PRMT3: variants seen among roughly 807,000 people sequenced by gnomAD.
PRMT3 encodes the protein protein arginine methyltransferase 3.
Under a neutral mutation model 71.9 loss-of-function variants are expected in PRMT3, and 62 were observed. That is an observed-to-expected ratio of 0.86 (90% CI 0.70 to 1.07). PRMT3 has a LOEUF of 1.07. Ranked by LOEUF, PRMT3 falls within the 50% of genes least tolerant of loss-of-function variation. The probability of loss-of-function intolerance (pLI) is 0.00; values close to 1 mark genes in which losing one functional copy is unlikely to be tolerated. For synonymous variants in PRMT3, 213 were observed against 220.4 expected (o/e 0.97, Z 0.30); for missense variants, 663 against 643.0 (o/e 1.03, Z -0.34).
At chr11:20,480,087 G>A (rs1193066724) in intron 13 of PRMT3, among the ~76,000 whole-genome samples, 1 of 152,176 alleles carries the variant, frequency 6.6e-6, no homozygotes, top group Non-Finnish European at 1.5e-5. Context: ...ACATTTGGAA[G>A]GATCGCTTGA....
At chr11:20,407,731 G>A (rs57769295) in intron 8 of PRMT3, 180 bp from the exon 9 acceptor site, 7,333 of 485,086 alleles carry the variant, frequency 0.015, 398 homozygotes, top group African/African-American at 0.12. Flanking sequence ...ACTCCTGCCT[G>A]TAATCCCAGC....
At chr11:20,396,295 T>C (rs1228286046) in intron 6 of PRMT3, among the ~76,000 whole-genome samples, 1 of 152,198 alleles carries the variant, frequency 6.6e-6, no homozygotes, top group Non-Finnish European at 1.5e-5. Flanking sequence ...GAAGGATTAA[T>C]CTTTTTGAGG....
chr11:20,392,627 T>G (rs1448465644), intron 4 of PRMT3, among the ~76,000 whole-genome samples: 5 of 151,366 alleles, frequency 3.3e-5, no homozygotes, highest in Non-Finnish European at 7.4e-5. Context: ...ACTTTGTTTT[T>G]TTTTTTTTTT....
At position 20,416,459 on chromosome 11, in the gene PRMT3, A is replaced by G. The variant is rs1849307070; in HGVS notation, c.893+8427A>G. Among the ~76,000 whole-genome samples, 2 of 151,932 alleles carry G rather than the reference A, an allele frequency of 1.3e-5. 1 individual carries two copies. Among genetic ancestry groups the G allele is most frequent in the Admixed American group, 1.3e-4 (2 of 15,246 alleles). On this transcript the variant is annotated intron_variant, in intron 9 of 15. Coordinates refer to ENST00000331079, the MANE Select transcript of PRMT3 (RefSeq NM_005788.4). ...TGTGGCAGGAATTTTTCTTTTTTTCATTCTTTAATGTGTCCCAACTACCAG... is the reference window on the plus strand; with the variant it reads ...TGTGGCAGGAATTTTTCTTTTTTTCGTTCTTTAATGTGTCCCAACTACCAG...
chr11:20,499,460 A>G (rs1851407034), intron 15 of PRMT3, among the ~76,000 whole-genome samples: 1 of 151,894 alleles, frequency 6.6e-6, no homozygotes, highest in Non-Finnish European at 1.5e-5. Flanking sequence ...GTCTCTAAAG[A>G]AAAAAAATTT....
chr11:20,490,540 GC>G (rs1851182436), intron 13 of PRMT3, among the ~76,000 whole-genome samples: 1 of 150,038 alleles, frequency 6.7e-6, no homozygotes, highest in Admixed American at 6.6e-5. Context: ...GCTTTGGGAG[GC>G]CCCCCAAAAA....
chr11:20,433,106 T>A (rs1849688793), intron 10 of PRMT3, among the ~76,000 whole-genome samples: 1 of 152,098 alleles, frequency 6.6e-6, no homozygotes, highest in Non-Finnish European at 1.5e-5. Flanking sequence ...ATTTAGGTAA[T>A]AACTTGTGCC....
At chr11:20,432,097 T>C (rs1849666639) in intron 10 of PRMT3, among the ~76,000 whole-genome samples, 1 of 152,120 alleles carries the variant, frequency 6.6e-6, no homozygotes, top group Non-Finnish European at 1.5e-5. Flanking sequence ...TTGTCTGTGC[T>C]CTTAACCACT....
chr11:20,468,860 T>TC (rs35891075), intron 13 of PRMT3, among the ~76,000 whole-genome samples: 2,042 of 152,308 alleles, frequency 0.013, 43 homozygotes, highest in African/African-American at 0.047. Flanking sequence ...AAAAACATTA[T>TC]CTTCTGCAGT....
At chr11:20,404,535 A>G (rs759623918) in intron 8 of PRMT3, among the ~76,000 whole-genome samples, 22 of 152,066 alleles carry the variant, frequency 1.4e-4, no homozygotes, top group Non-Finnish European at 2.5e-4. Context: ...CCGGCCCTTC[A>G]TAGTTTTTGT....
rs370939123 is a variant in PRMT3 at position 20,508,292 on chromosome 11, T to A, written c.1487-12T>A. On this transcript the variant is annotated splice_polypyrimidine_tract_variant and intron_variant, in intron 15 of 15. Coordinates refer to ENST00000331079, the MANE Select transcript of PRMT3 (RefSeq NM_005788.4). ...CCTTGAATTCTTAACAATTTTTGCC[T>A]TTGTTTTACAGGTGAAGCCTTGAAA... 5.1e-6 allele frequency: 8 copies of A among 1,562,988 alleles called. No homozygotes were observed. In the African/African-American group the frequency reaches 9.5e-5, roughly 19 times the overall value.
chr11:20,439,938 C>G (rs961391202), intron 10 of PRMT3, among the ~76,000 whole-genome samples: 12 of 152,060 alleles, frequency 7.9e-5, no homozygotes, highest in African/African-American at 1.7e-4. Flanking sequence ...ACAAACAGAC[C>G]TGTGTAACCC....
chr11:20,502,212 T>G (rs1221612564), intron 15 of PRMT3, among the ~76,000 whole-genome samples: 1 of 152,188 alleles, frequency 6.6e-6, no homozygotes, highest in Non-Finnish European at 1.5e-5. Context: ...CTTAACAACA[T>G]CAGTCATTTT....
intron 13 of PRMT3, among the ~76,000 whole-genome samples, chr11:20,482,770 T>G (rs1470519738): frequency 6.6e-6 from 1 of 151,632 alleles, no homozygotes; most frequent in Admixed American, 6.6e-5. Flanking sequence ...TTTACAGACA[T>G]TTTATGTATA....
At position 20,481,151 on chromosome 11, in the gene PRMT3, A is replaced by G. The variant is rs552733235; in HGVS notation, c.1348-12768A>G. On this transcript the variant is annotated intron_variant, in intron 13 of 15. Coordinates refer to ENST00000331079, the MANE Select transcript of PRMT3 (RefSeq NM_005788.4). ...TGAATGAGGATGTATTTTTTAACCTATGCTATTCCTTGAGGCTGTTGGATT... is the reference window on the plus strand; with the variant it reads ...TGAATGAGGATGTATTTTTTAACCTGTGCTATTCCTTGAGGCTGTTGGATT... 1.4e-4 allele frequency among the ~76,000 whole-genome samples: 22 copies of G among 152,198 alleles called. 1 individual carries two copies. The highest frequency in any genetic ancestry group is 3.9e-4 in the East Asian group (2 of 5,170).
intron 10 of PRMT3, among the ~76,000 whole-genome samples, chr11:20,439,355 G>A (rs1242737647): frequency 1.3e-5 from 2 of 152,184 alleles, no homozygotes; most frequent in Admixed American, 6.5e-5. Flanking sequence ...GGGATTTGGG[G>A]TGGTAGGAGA....
chr11:20,495,372 T>C (rs892241314), intron 15 of PRMT3, among the ~76,000 whole-genome samples: 1 of 151,870 alleles, frequency 6.6e-6, no homozygotes, highest in African/African-American at 2.4e-5. Flanking sequence ...TACAAAACAA[T>C]AAAAATTATC....
At position 20,448,146 on chromosome 11, in the gene PRMT3, A is replaced by AT. The variant is rs35376301; in HGVS notation, c.994-3974dup. Among the ~76,000 whole-genome samples, 681 of 151,090 alleles carry AT rather than the reference A, an allele frequency of 4.5e-3. 4 individuals carry two copies. Among genetic ancestry groups the AT allele is most frequent in the East Asian group, 0.014 (70 of 5,122 alleles). ...TTCTCTACTTGGCAAGTGCTCATAG[A>AT]TTTTTTTTTTCTTCTATTTAAAGTA... On this transcript the variant is annotated intron_variant, in intron 10 of 15. Coordinates refer to ENST00000331079, the MANE Select transcript of PRMT3 (RefSeq NM_005788.4).
chr11:20,441,566 C>T (rs1814181), intron 10 of PRMT3, among the ~76,000 whole-genome samples: 125,301 of 151,698 alleles, frequency 0.83, 53,495 homozygotes, highest in Non-Finnish European at 0.95. Flanking sequence ...CTCGGCCTCC[C>T]AAAGTGCTGG....
Sources: allele counts gnomAD v4.1 joint callset (sites outside exome capture counted in the v4.1 genomes callset), GRCh38; gene constraint gnomAD v4.1.1; transcripts MANE v1.5; gene names NCBI Gene and HGNC (gene_info 2026-07-23, HGNC 2026-07-21).